The following ATRX variants were observed in gnomAD, a reference collection of about 807,000 sequenced individuals.
ATRX encodes ATRX chromatin remodeler.
Under a neutral mutation model 172.6 loss-of-function variants are expected in ATRX, and 12 were observed. The observed-to-expected ratio is 0.07, with a 90% CI of 0.04 to 0.11. The LOEUF is 0.11. Among genes scored for constraint, ATRX ranks in the 10% least tolerant of loss-of-function variants. The pLI is 1.00. For synonymous variants in ATRX, 674 were observed against 594.7 expected, an observed-to-expected ratio of 1.13 and a Z score of -1.94; for missense variants, 1,368 against 1,767.4, an observed-to-expected ratio of 0.77 and a Z score of 4.05.
chrX:77,766,431 G>A (rs2075940496), intron 1 of ATRX, among the ~76,000 whole-genome samples: 1 of 108,896 alleles, frequency 9.2e-6, no homozygotes, highest in Admixed American at 9.6e-5. Flanking sequence ...AGACGGGGCG[G>A]CTGCCAGGCG....
chrX:77,754,940 G>A (rs4826010), intron 1 of ATRX, among the ~76,000 whole-genome samples: 1 of 110,182 alleles, frequency 9.1e-6, no homozygotes, highest in Non-Finnish European at 1.9e-5. Flanking sequence ...TCCAACTTGG[G>A]TCCATTCTCC....
At chrX:77,662,595 T>C (rs994385059) in intron 12 of ATRX, among the ~76,000 whole-genome samples, 4 of 112,515 alleles carry the variant, frequency 3.6e-5, no homozygotes, top group Admixed American at 2.8e-4. Context: ...CTCTAAATTA[T>C]TAATTTTAAT....
chrX:77,678,491 GCTGTTT>G (rs1276538803), intron 9 of ATRX, among the ~76,000 whole-genome samples: 1 of 111,773 alleles, frequency 8.9e-6, no homozygotes, highest in Non-Finnish European at 1.9e-5. Context: ...TGTGTTTGTT[GCTGTTT>G]CTGTTTTGAG....
chrX:77,621,134 G>A (rs1201271699), intron 19 of ATRX, among the ~76,000 whole-genome samples: 2 of 110,717 alleles, frequency 1.8e-5, no homozygotes, highest in Admixed American at 1.9e-4. Context: ...AGCTATAAAA[G>A]ATCTTAAAAG....
chrX:77,750,393 A>T (rs72628489), intron 1 of ATRX, among the ~76,000 whole-genome samples: 2 of 111,915 alleles, frequency 1.8e-5, no homozygotes, highest in African/African-American at 6.5e-5. Flanking sequence ...ACACAAACGT[A>T]TAACACCACC....
At chrX:77,595,699 T>C (rs1185393347) in intron 25 of ATRX, 1 of 111,227 alleles carries the variant, frequency 9.0e-6, no homozygotes, top group Non-Finnish European at 1.9e-5. Context: ...TCCCTAGGAT[T>C]TCCATAGCAT....
At chrX:77,717,432 T>A (rs781949150) in intron 1 of ATRX, among the ~76,000 whole-genome samples, 189 bp from the exon 2 acceptor site, 5 of 109,907 alleles carry the variant, frequency 4.5e-5, no homozygotes, top group African/African-American at 3.3e-5. Context: ...AAAACGAATT[T>A]TAGGCCAGGT....
intron 26 of ATRX, among the ~76,000 whole-genome samples, chrX:77,593,229 GA>G (rs781904850): frequency 0.11 from 6,109 of 55,069 alleles, 200 homozygotes; most frequent in African/African-American, 0.14. Context: ...GTCTCATAAT[GA>G]AAAAAAAAAA....
At chrX:77,675,825 G>GCC (rs2070836915) in intron 10 of ATRX, 1 of 125,950 alleles carries the variant, frequency 7.9e-6, no homozygotes, top group African/African-American at 3.2e-5. Flanking sequence ...TAATAAATAG[G>GCC]ACCACCATAT....
chrX:77,738,052 C>T (rs967610581), intron 1 of ATRX, among the ~76,000 whole-genome samples: 15 of 111,186 alleles, frequency 1.3e-4, no homozygotes, highest in African/African-American at 4.9e-4. Context: ...TTTGCACTTC[C>T]GGCTGGGTGC....
intron 1 of ATRX, among the ~76,000 whole-genome samples, chrX:77,732,905 C>A (rs1423282297): frequency 9.0e-6 from 1 of 111,264 alleles, no homozygotes; most frequent in African/African-American, 3.3e-5. Flanking sequence ...CATGGTACTA[C>A]TGGAAGTCCT....
At chrX:77,687,244 A>G (rs1374568858) in intron 7 of ATRX, among the ~76,000 whole-genome samples, 2 of 110,717 alleles carry the variant, frequency 1.8e-5, no homozygotes, top group Non-Finnish European at 3.8e-5. Flanking sequence ...AGCTCTACAT[A>G]AAAATGTATT....
At position 77,654,186 on chromosome X, in the gene ATRX, G is replaced by C. The variant is rs2069423935; in HGVS notation, c.4229C>G (p.Ala1410Gly). ...QRPRTRSAKK[A>G]ELEENQRSYK... ...GCTCCGCTGATTTTCTTCCAACTCT[G>C]CTTTCTTTGCAGACCTGACGAAAAT... Residue 1410 changes from alanine (A) to glycine (G), a missense_variant, in exon 14 of 35, where the codon GCA becomes GGA. Physicochemically the swap from Ala to Gly is moderately conservative, Grantham distance 60 (BLOSUM62 0). This residue lies in a region of ATRX where 119 missense variants were observed against 131.3 expected (regional missense o/e 0.91). Transcript: ENST00000373344. 2 of 1,207,372 alleles carry C rather than the reference G, an allele frequency of 1.7e-6. No homozygotes were observed. The highest frequency in any genetic ancestry group is 5.9e-5 in the East Asian group (2 of 33,719).
At chrX:77,609,636 A>C (rs1306215962) in intron 22 of ATRX, among the ~76,000 whole-genome samples, 2 of 111,282 alleles carry the variant, frequency 1.8e-5, no homozygotes, top group African/African-American at 6.5e-5. Flanking sequence ...GGCACATGCC[A>C]CCTCGACTTT....
chrX:77,581,162 G>GCC (rs1422178177), intron 27 of ATRX, among the ~76,000 whole-genome samples: 4 of 111,092 alleles, frequency 3.6e-5, no homozygotes, highest in African/African-American at 1.3e-4. Flanking sequence ...AAGAAGACGA[G>GCC]CCCAAAAAAC....
intron 30 of ATRX, among the ~76,000 whole-genome samples, chrX:77,531,507 T>C (rs1332147792): frequency 1.8e-5 from 2 of 112,181 alleles, no homozygotes; most frequent in Non-Finnish European, 3.8e-5. Context: ...ATTCATCACA[T>C]AAACAGAACT....
intron 15 of ATRX, among the ~76,000 whole-genome samples, chrX:77,636,807 A>AAGG (rs1352333020): frequency 2.8e-5 from 3 of 105,637 alleles, no homozygotes; most frequent in Non-Finnish European, 5.8e-5. Flanking sequence ...GAGAAGGAAG[A>AAGG]AGGAGGAGGA....
chrX:77,753,329 T>A (rs1270728616), intron 1 of ATRX, among the ~76,000 whole-genome samples: 2 of 111,576 alleles, frequency 1.8e-5, no homozygotes, highest in Non-Finnish European at 3.8e-5. Flanking sequence ...TTTATCATTC[T>A]TTATTGTGTC....
At chrX:77,711,446 A>G (rs1252280101) in intron 2 of ATRX, among the ~76,000 whole-genome samples, 3 of 112,725 alleles carry the variant, frequency 2.7e-5, no homozygotes, top group African/African-American at 9.7e-5. Context: ...TAACTGTCTA[A>G]GTAGAAAATC....
Sources: gnomAD v4.1 joint callset for allele counts (sites outside exome capture counted in the v4.1 genomes callset) on GRCh38, gnomAD v4.1.1 for gene constraint, gnomAD v4.1.1 regional missense constraint, MANE v1.5 for transcripts, NCBI Gene and HGNC (gene_info 2026-07-23, HGNC 2026-07-21) for gene names.